WIPF1: variants seen among roughly 807,000 people sequenced by gnomAD.
WIPF1 encodes the protein WAS/WASL interacting protein family member 1.
In WIPF1, 13 loss-of-function variants were observed where a neutral mutation model predicts 35.4. The ratio of observed to expected loss-of-function variants is 0.37; its 90% CI spans 0.24 to 0.58. The LOEUF is 0.58. WIPF1 is among the 20% of genes least tolerant of loss of function. WIPF1 has a pLI of 0.74. For missense variants in WIPF1, 591 were observed against 667.0 expected (o/e 0.89, Z 1.25); for synonymous variants, 267 against 266.3 (o/e 1.00, Z -0.02).
At chr2:174,598,096 T>C (rs896114427), upstream of WIPF1, 1 of 152,144 alleles carries the variant, frequency 6.6e-6, no homozygotes, top group Admixed American at 6.5e-5. Flanking sequence ...TATTTGAAAG[T>C]ATCACTGTAA....
At chr2:174,664,739 C>G (rs1687853760) in intron 1 of WIPF1, among the ~76,000 whole-genome samples, 1 of 152,190 alleles carries the variant, frequency 6.6e-6, no homozygotes, top group Non-Finnish European at 1.5e-5. Flanking sequence ...GACCTGAAAC[C>G]CAGATGGGGT....
intron 1 of WIPF1, among the ~76,000 whole-genome samples, chr2:174,604,684 G>C (rs1214779970): frequency 6.6e-6 from 1 of 152,246 alleles, no homozygotes; most frequent in Non-Finnish European, 1.5e-5. Flanking sequence ...ATAGTCCGAA[G>C]AGCTGGCCTA....
At chr2:174,604,505 A>G (rs890695669) in intron 1 of WIPF1, among the ~76,000 whole-genome samples, 3 of 152,250 alleles carry the variant, frequency 2.0e-5, no homozygotes, top group Non-Finnish European at 2.9e-5. Flanking sequence ...GTATATGTCC[A>G]GTATTGGAAA....
intron 3 of WIPF1, among the ~76,000 whole-genome samples, chr2:174,576,817 C>A (rs772209479): frequency 6.6e-6 from 1 of 152,258 alleles, no homozygotes; most frequent in African/African-American, 2.4e-5. Flanking sequence ...CTTATACCCT[C>A]TTTAAAAAAA....
chr2:174,654,401 A>T (rs928022096), intron 1 of WIPF1, among the ~76,000 whole-genome samples: 1 of 152,090 alleles, frequency 6.6e-6, no homozygotes, highest in South Asian at 2.1e-4. Flanking sequence ...TTAACTGCTC[A>T]GTTTCTTTTT....
intron 1 of WIPF1, among the ~76,000 whole-genome samples, chr2:174,633,743 C>G (rs1052183999): frequency 6.6e-6 from 1 of 152,172 alleles, no homozygotes; most frequent in East Asian, 1.9e-4. Context: ...AGACTCTTCT[C>G]TAGGAAGCAC....
intron 1 of WIPF1, chr2:174,629,776 C>G (rs1559166315): frequency 6.6e-6 from 1 of 152,204 alleles, no homozygotes; most frequent in Non-Finnish European, 1.5e-5. Context: ...TTGAGCAGCC[C>G]CTCTATTGGC....
chr2:174,615,839 T>A (rs1191752584), intron 1 of WIPF1, among the ~76,000 whole-genome samples: 1 of 152,218 alleles, frequency 6.6e-6, no homozygotes, highest in African/African-American at 2.4e-5. Flanking sequence ...GGGGAGCCAA[T>A]GCTTGGTATT....
chr2:174,639,503 C>T (rs781255671), intron 1 of WIPF1, among the ~76,000 whole-genome samples: 10 of 152,174 alleles, frequency 6.6e-5, no homozygotes, highest in Admixed American at 1.3e-4. Flanking sequence ...ATCTCATCCT[C>T]CCAAAGTGCT....
chr2:174,632,267 T>C (rs1285597439), intron 1 of WIPF1, among the ~76,000 whole-genome samples: 1 of 152,166 alleles, frequency 6.6e-6, no homozygotes, highest in African/African-American at 2.4e-5. Context: ...TGTATAATGA[T>C]GACACTTTAT....
intron 1 of WIPF1, among the ~76,000 whole-genome samples, chr2:174,637,622 C>A (rs902046399): frequency 2.6e-5 from 4 of 152,168 alleles, no homozygotes; most frequent in African/African-American, 9.7e-5. Context: ...CCCGTCTCTA[C>A]TAAAAATACA....
At chr2:174,602,786 C>A (rs745702327), upstream of WIPF1, among the ~76,000 whole-genome samples, 4 of 152,192 alleles carry the variant, frequency 2.6e-5, no homozygotes, top group Non-Finnish European at 5.9e-5. Flanking sequence ...TGTAATCTTA[C>A]TTGGGGAAAA....
intron 1 of WIPF1, among the ~76,000 whole-genome samples, chr2:174,619,515 G>A (rs1343621202): frequency 6.6e-6 from 1 of 152,166 alleles, no homozygotes. Context: ...AAATCCTTGT[G>A]CACAGGTAGG....
chr2:174,602,996 C>T (rs1281053188), intron 1 of WIPF1, among the ~76,000 whole-genome samples: 2 of 152,192 alleles, frequency 1.3e-5, no homozygotes, highest in Non-Finnish European at 2.9e-5. Context: ...TCATTTGGCC[C>T]TAGAGACTTC....
intron 5 of WIPF1, among the ~76,000 whole-genome samples, chr2:174,569,168 T>C (rs1439323131): frequency 6.6e-6 from 1 of 152,198 alleles, no homozygotes; most frequent in African/African-American, 2.4e-5. Flanking sequence ...AATAAATATC[T>C]TATTAGCTAT....
chr2:174,617,925 A>G (rs1686561786), intron 1 of WIPF1, among the ~76,000 whole-genome samples: 1 of 152,204 alleles, frequency 6.6e-6, no homozygotes, highest in Non-Finnish European at 1.5e-5. Context: ...GGTTCAATAA[A>G]GGCCTTTGAG....
chr2:174,574,793 T>C, intron 4 of WIPF1: 1 of 690,358 alleles, frequency 1.4e-6, no homozygotes, highest in East Asian at 2.7e-5. Flanking sequence ...ATGTGCTCCA[T>C]CGTGTTTGAA....
chr2:174,595,290 CAA>C (rs377491345), intron 1 of WIPF1, among the ~76,000 whole-genome samples: 7 of 45,278 alleles, frequency 1.5e-4, no homozygotes, highest in Non-Finnish European at 2.7e-4. Context: ...AACCCTGTCT[CAA>C]AAAAAAAAAA....
chr2:174,616,343 T>A (rs1686504474), intron 1 of WIPF1, among the ~76,000 whole-genome samples: 1 of 152,078 alleles, frequency 6.6e-6, no homozygotes, highest in African/African-American at 2.4e-5. Context: ...GAATCATGTG[T>A]CTATAAGAGG....
Sources: gnomAD v4.1 joint callset for allele counts (sites outside exome capture counted in the v4.1 genomes callset) on GRCh38, gnomAD v4.1.1 for gene constraint, MANE v1.5 for transcripts, NCBI Gene and HGNC (gene_info 2026-07-23, HGNC 2026-07-21) for gene names.